TOP6BL: variants seen among roughly 807,000 people sequenced by gnomAD.
TOP6BL encodes type 2 DNA topoisomerase 6 subunit B-like.
the TOP6BL span, chr11:66,796,339 G>T: frequency 6.2e-7 from 1 of 1,610,212 alleles, no homozygotes; most frequent in East Asian, 2.2e-5. Flanking sequence ...CATTTTTTAC[G>T]TAAAATCATC....
the TOP6BL span, among the ~76,000 whole-genome samples, chr11:66,825,513 A>G: frequency 6.7e-6 from 1 of 149,732 alleles, no homozygotes; most frequent in African/African-American, 2.4e-5. Flanking sequence ...AAAAGGCCCC[A>G]GAGAGACCCT....
At chr11:66,823,084 C>T in the TOP6BL span, among the ~76,000 whole-genome samples, 28 of 151,654 alleles carry the variant, frequency 1.8e-4, no homozygotes, top group South Asian at 1.0e-3. Context: ...GACCTGAGGT[C>T]GGGAGTTTGA....
the TOP6BL span, among the ~76,000 whole-genome samples, chr11:66,821,968 T>C: frequency 5.8e-4 from 89 of 152,174 alleles, no homozygotes; most frequent in African/African-American, 2.0e-3. Context: ...TTGCTTAGTC[T>C]TACCTCCTAG....
At chr11:66,793,291 C>T in the TOP6BL span, among the ~76,000 whole-genome samples, 1 of 151,680 alleles carries the variant, frequency 6.6e-6, no homozygotes, top group Admixed American at 6.6e-5. Context: ...TGGGGTTTCA[C>T]CATGTTGGCC....
the TOP6BL span, chr11:66,842,936 C>A: frequency 6.4e-7 from 1 of 1,558,478 alleles, no homozygotes; most frequent in East Asian, 2.4e-5. Context: ...GCCAGGGCCC[C>A]GAGCCCGTCA....
At chr11:66,807,542 G>T in the TOP6BL span, among the ~76,000 whole-genome samples, 6 of 152,208 alleles carry the variant, frequency 3.9e-5, no homozygotes, top group Non-Finnish European at 2.9e-5. Context: ...TTGCACTCCA[G>T]CCTGGGCAAC....
At chr11:66,755,987 G>A in the TOP6BL span, among the ~76,000 whole-genome samples, 1 of 152,158 alleles carries the variant, frequency 6.6e-6, no homozygotes, top group Admixed American at 6.5e-5. Flanking sequence ...ATACACTGGG[G>A]CTAGTACTTA....
At chr11:66,773,241 A>G in the TOP6BL span, among the ~76,000 whole-genome samples, 1 of 151,472 alleles carries the variant, frequency 6.6e-6, no homozygotes, top group African/African-American at 2.4e-5. Flanking sequence ...TTTTGTAGAG[A>G]CAGGGTCTCA....
chr11:66,781,828 C>T, the TOP6BL span, among the ~76,000 whole-genome samples: 1 of 152,122 alleles, frequency 6.6e-6, no homozygotes, highest in African/African-American at 2.4e-5. Context: ...ATGAGCCTGG[C>T]CCTCAGGTTC....
the TOP6BL span, among the ~76,000 whole-genome samples, chr11:66,786,820 G>A: frequency 1.3e-5 from 2 of 152,240 alleles, 1 homozygote; most frequent in South Asian, 4.1e-4. Context: ...AAACTTCAGT[G>A]TAGCATACCC....
chr11:66,808,716 A>T, the TOP6BL span, among the ~76,000 whole-genome samples: 35 of 152,238 alleles, frequency 2.3e-4, no homozygotes, highest in Non-Finnish European at 4.7e-4. Context: ...CAGCAGATTA[A>T]GTACAACTTA....
At chr11:66,778,782 CCAAAA>C in the TOP6BL span, among the ~76,000 whole-genome samples, 1 of 152,114 alleles carries the variant, frequency 6.6e-6, no homozygotes, top group African/African-American at 2.4e-5. Context: ...GCTACAGTAA[CCAAAA>C]CAGCATGATA....
At chr11:66,753,429 C>CA in the TOP6BL span, among the ~76,000 whole-genome samples, 1 of 135,684 alleles carries the variant, frequency 7.4e-6, no homozygotes, top group Admixed American at 7.7e-5. Flanking sequence ...TTTTTTGAGA[C>CA]AGAGTCTCAC....
chr11:66,769,082 G>T, the TOP6BL span, among the ~76,000 whole-genome samples: 1 of 152,088 alleles, frequency 6.6e-6, no homozygotes, highest in East Asian at 1.9e-4. Context: ...TTCTCAGCTG[G>T]GAACACAAGG....
the TOP6BL span, among the ~76,000 whole-genome samples, chr11:66,832,276 A>C: frequency 6.6e-6 from 1 of 151,658 alleles, no homozygotes; most frequent in East Asian, 2.0e-4. Flanking sequence ...TGTTTTTTCT[A>C]TTTTTAGTAA....
the TOP6BL span, chr11:66,838,478 C>T: frequency 1.3e-6 from 2 of 1,583,776 alleles, no homozygotes; most frequent in Non-Finnish European, 1.7e-6. Flanking sequence ...GAGCCCTGGA[C>T]TGCAGCAGAG....
the TOP6BL span, chr11:66,801,222 TA>T: frequency 2.9e-6 from 3 of 1,038,536 alleles, no homozygotes; most frequent in Non-Finnish European, 4.3e-6. Flanking sequence ...TCAGCTTCTC[TA>T]TAAGAAAAGC....
At chr11:66,791,689 A>C in the TOP6BL span, among the ~76,000 whole-genome samples, 1 of 151,946 alleles carries the variant, frequency 6.6e-6, no homozygotes. Flanking sequence ...GGCAGCATCT[A>C]TTTTTTTCAT....
the TOP6BL span, chr11:66,822,477 C>A: frequency 1.2e-6 from 1 of 813,428 alleles, no homozygotes. Context: ...AAATCCTGCT[C>A]TGATGGAAAT....
Sources: allele counts gnomAD v4.1 joint callset (sites outside exome capture counted in the v4.1 genomes callset), GRCh38; gene constraint gnomAD v4.1.1; transcripts MANE v1.5; gene names NCBI Gene and HGNC (gene_info 2026-07-23, HGNC 2026-07-21).